The following SMOC2 variants were observed in gnomAD, a reference collection of about 807,000 sequenced individuals.
The protein encoded by SMOC2 is SPARC related modular calcium binding 2, also known as SPARC-related modular calcium-binding protein 2.
SMOC2 carries 39 observed loss-of-function variants against 61.4 expected under a neutral mutation model. The ratio of observed to expected loss-of-function variants is 0.64; its 90% CI spans 0.49 to 0.83. SMOC2 has a LOEUF of 0.83. SMOC2 is among the 40% of genes least tolerant of loss of function. The pLI, the probability that SMOC2 is intolerant of heterozygous loss-of-function variation, is 0.00. For missense variants in SMOC2, 556 were observed against 592.9 expected, an observed-to-expected ratio of 0.94 and a Z score of 0.65; for synonymous variants, 247 against 239.9, an observed-to-expected ratio of 1.03 and a Z score of -0.27.
intron 7 of SMOC2, among the ~76,000 whole-genome samples, chr6:168,595,683 G>T (rs1785311723): frequency 6.6e-6 from 1 of 152,166 alleles, no homozygotes; most frequent in African/African-American, 2.4e-5. Flanking sequence ...AAAATTGCAT[G>T]GGTTAACAGC....
chr6:168,653,182 G>C lies in SMOC2; in HGVS notation c.1239G>C (p.Leu413=). The change falls in exon 11 of 13, where the codon CTG becomes CTC. Residue 413 remains leucine (L), a synonymous_variant. Transcript: ENST00000356284. ...CCGTACAAGAACTGATGGGCTGCCTGGGCGTGGCGAAAGAGGACGGCAAAG... is the reference window on the plus strand; with the variant it reads ...CCGTACAAGAACTGATGGGCTGCCTCGGCGTGGCGAAAGAGGACGGCAAAG... ...SISVQELMGC[L]GVAKEDGKAD... The C allele has an allele frequency of 6.2e-7, 1 of 1,614,132 alleles. No homozygotes were observed. The highest frequency in any genetic ancestry group is 8.5e-7 in the Non-Finnish European group (1 of 1,179,996).
intron 6 of SMOC2, 35 bp downstream of exon 6, chr6:168,547,204 G>A (rs1389841991): frequency 6.3e-7 from 1 of 1,599,540 alleles, no homozygotes; most frequent in East Asian, 2.2e-5. Context: ...GTCTGGGTTG[G>A]GGAGGAGTGC....
chr6:168,626,835 G>T (rs1044300790), intron 9 of SMOC2, among the ~76,000 whole-genome samples: 23 of 152,190 alleles, frequency 1.5e-4, no homozygotes, highest in African/African-American at 5.5e-4. Context: ...ACACCTGCTT[G>T]AATTGTTTGT....
chr6:168,559,144 T>C (rs561645938), intron 7 of SMOC2, among the ~76,000 whole-genome samples: 6 of 152,344 alleles, frequency 3.9e-5, no homozygotes, highest in African/African-American at 9.6e-5. Context: ...TATCTCTTTT[T>C]GCCATTCACA....
chr6:168,446,164 A>T (rs545266688), intron 1 of SMOC2, among the ~76,000 whole-genome samples: 1 of 152,384 alleles, frequency 6.6e-6, no homozygotes, highest in Admixed American at 6.5e-5. Context: ...GGAGTTCAAG[A>T]CCAGCCTGAC....
At chr6:168,470,810 G>A (rs1019914563) in intron 1 of SMOC2, among the ~76,000 whole-genome samples, 54 of 152,168 alleles carry the variant, frequency 3.5e-4, no homozygotes, top group African/African-American at 1.3e-3. Context: ...GGGTTCCATG[G>A]AATAGAAATT....
intron 8 of SMOC2, among the ~76,000 whole-genome samples, chr6:168,599,623 A>AC (rs1436180014): frequency 8.4e-5 from 4 of 47,762 alleles, no homozygotes; most frequent in African/African-American, 3.6e-4. Flanking sequence ...ACACACTCAT[A>AC]CCACACACAC....
At chr6:168,555,805 C>T (rs1175636675) in intron 7 of SMOC2, among the ~76,000 whole-genome samples, 2 of 152,144 alleles carry the variant, frequency 1.3e-5, no homozygotes, top group African/African-American at 2.4e-5. Flanking sequence ...GCTTGATCCT[C>T]TACGCCCTGA....
At position 168,620,542 on chromosome 6, in the gene SMOC2, T is replaced by A. The variant is rs558481144; in HGVS notation, c.907+12303T>A. 6.6e-5 allele frequency among the ~76,000 whole-genome samples: 10 copies of A among 152,134 alleles called. No homozygotes were observed. In the East Asian group the frequency reaches 1.9e-3, roughly 29 times the overall value. On this transcript the variant is annotated intron_variant, in intron 9 of 12. Coordinates refer to ENST00000356284, the MANE Select transcript of SMOC2 (RefSeq NM_001166412.2). Reference sequence around the variant, plus strand: ...AAATGGAGACTGATATATAGGAAAATTTTCCCTATGTCTAAAAATATTATG... The same window carrying A: ...AAATGGAGACTGATATATAGGAAAAATTTCCCTATGTCTAAAAATATTATG...
At chr6:168,605,733 G>A (rs2115198177) in intron 8 of SMOC2, among the ~76,000 whole-genome samples, 1 of 152,326 alleles carries the variant, frequency 6.6e-6, no homozygotes, top group East Asian at 1.9e-4. Flanking sequence ...TGCCACCCAT[G>A]TGAAGGATAC....
At chr6:168,587,355 G>A (rs1474543028) in intron 7 of SMOC2, among the ~76,000 whole-genome samples, 1 of 152,196 alleles carries the variant, frequency 6.6e-6, no homozygotes, top group Non-Finnish European at 1.5e-5. Context: ...TTTGCCAAGG[G>A]TATGGATGTA....
chr6:168,500,186 C>T (rs532040841), intron 1 of SMOC2, among the ~76,000 whole-genome samples: 230 of 149,798 alleles, frequency 1.5e-3, no homozygotes, highest in African/African-American at 5.1e-3. Flanking sequence ...ACTCGGGAGG[C>T]TGAGACAGGA....
intron 7 of SMOC2, among the ~76,000 whole-genome samples, chr6:168,582,686 C>T (rs1049299735): frequency 2.0e-5 from 3 of 152,202 alleles, no homozygotes; most frequent in African/African-American, 7.2e-5. Flanking sequence ...GGAACGCCGC[C>T]ATGGAGAGAC....
intron 1 of SMOC2, among the ~76,000 whole-genome samples, chr6:168,507,035 G>T (rs758629368): frequency 3.3e-5 from 5 of 152,210 alleles, no homozygotes; most frequent in African/African-American, 7.2e-5. Flanking sequence ...TTATCCCTGA[G>T]AAATAACACT....
intron 7 of SMOC2, among the ~76,000 whole-genome samples, chr6:168,573,908 C>G (rs1784732677): frequency 1.3e-5 from 2 of 152,312 alleles, no homozygotes; most frequent in African/African-American, 2.4e-5. Context: ...GTCACACGTC[C>G]ACCCCTGAAC....
At chr6:168,560,201 A>G (rs529479268) in intron 7 of SMOC2, among the ~76,000 whole-genome samples, 86 of 152,338 alleles carry the variant, frequency 5.6e-4, no homozygotes, top group African/African-American at 2.0e-3. Context: ...CTCAGATAAA[A>G]TCTAGTATAG....
In SMOC2 at chr6:168,516,002, GCA is replaced by G. The variant is rs1418027423; in HGVS notation, c.256+5919_256+5920del. 7.2e-5 allele frequency among the ~76,000 whole-genome samples: 11 copies of G among 152,340 alleles called. No homozygotes were observed. In the East Asian group the frequency reaches 2.1e-3, roughly 29 times the overall value. ...CCTGGAGTGGGCGCTGGCTAGTGTA[GCA>G]CAGTGTCGCCTCGGCACATATGAGG... is the stretch of plus-strand genomic sequence containing the variant. On this transcript the variant is annotated intron_variant, in intron 2 of 12. Transcript: ENST00000356284.
intron 1 of SMOC2, among the ~76,000 whole-genome samples, chr6:168,482,318 TC>T (rs1201706484): frequency 1.3e-5 from 2 of 151,976 alleles, no homozygotes; most frequent in African/African-American, 4.8e-5. Flanking sequence ...CATAGGATAA[TC>T]TAGTTAAAAT....
At chr6:168,656,135 A>G (rs1122274) in intron 11 of SMOC2, among the ~76,000 whole-genome samples, 64,532 of 151,994 alleles carry the variant, frequency 0.42, 16,595 homozygotes, top group Non-Finnish European at 0.58. Context: ...TGACTCTTTT[A>G]TTTGTTGTCA....
Sources: allele counts gnomAD v4.1 joint callset (sites outside exome capture counted in the v4.1 genomes callset), GRCh38; gene constraint gnomAD v4.1.1; transcripts MANE v1.5; gene names NCBI Gene and HGNC (gene_info 2026-07-23, HGNC 2026-07-21).